Variants in METTL9 observed in about 807,000 individuals in gnomAD.
METTL9 encodes methyltransferase 9, His-X-His N1(pi)-histidine.
In METTL9, 10 loss-of-function variants were observed where a neutral mutation model predicts 36.0. The ratio of observed to expected loss-of-function variants is 0.28; its 90% confidence interval spans 0.17 to 0.47. The LOEUF (loss-of-function observed/expected upper bound fraction) is 0.47. Ranked by LOEUF, METTL9 falls within the 20% of genes least tolerant of loss-of-function variation. METTL9 has a pLI of 0.99. For missense variants in METTL9, 246 were observed against 383.5 expected (o/e 0.64, Z 3.00); for synonymous variants, 175 against 149.7 (o/e 1.17, Z -1.23).
At chr16:21,647,300 G>C in intron 4 of METTL9, 5 of 1,614,168 alleles carry the variant, frequency 3.1e-6, no homozygotes, top group Non-Finnish European at 4.2e-6. Flanking sequence ...GAACTTGTCT[G>C]CCTCACTTTT....
intron 1 of METTL9, among the ~76,000 whole-genome samples, chr16:21,603,060 C>T (rs1210171713): frequency 6.6e-6 from 1 of 152,132 alleles, no homozygotes; most frequent in Non-Finnish European, 1.5e-5. Flanking sequence ...GTATGGCCTG[C>T]AAGCCTAAAA....
At chr16:21,643,500 T>G (rs770174220) in intron 4 of METTL9, 1 of 1,237,120 alleles carries the variant, frequency 8.1e-7, no homozygotes, top group Non-Finnish European at 1.2e-6. Flanking sequence ...TTGAAATCGT[T>G]ACAACCAGCC....
intron 4 of METTL9, among the ~76,000 whole-genome samples, chr16:21,630,394 G>C (rs1431198481): frequency 6.6e-6 from 1 of 152,252 alleles, no homozygotes; most frequent in African/African-American, 2.4e-5. Flanking sequence ...CAGAGAGGAG[G>C]CCCCTACAGT....
At chr16:21,645,987 G>A (rs1438723874) in intron 4 of METTL9, among the ~76,000 whole-genome samples, 2 of 152,178 alleles carry the variant, frequency 1.3e-5, no homozygotes, top group Non-Finnish European at 2.9e-5. Context: ...CCCTTCCTCA[G>A]AGTCCTATTT....
At chr16:21,617,720 C>G (rs957003065) in intron 2 of METTL9, 145 bp from the exon 3 acceptor site, 6 of 680,990 alleles carry the variant, frequency 8.8e-6, no homozygotes, top group African/African-American at 1.8e-5. Context: ...CAGAGTGAGA[C>G]CTTGTCTAAA....
At chr16:21,622,382 A>G (rs1217302894) in intron 3 of METTL9, among the ~76,000 whole-genome samples, 1 of 151,650 alleles carries the variant, frequency 6.6e-6, no homozygotes, top group Non-Finnish European at 1.5e-5. Flanking sequence ...TCCTAGGCTC[A>G]AGCGATCCTC....
chr16:21,600,125 G>C (rs1438855986), intron 1 of METTL9, among the ~76,000 whole-genome samples: 8 of 152,084 alleles, frequency 5.3e-5, no homozygotes, highest in Non-Finnish European at 1.0e-4. Flanking sequence ...CAGCGCAGGC[G>C]GGGCATGGCC....
rs759064301 is a variant in METTL9, at chr16:21,604,333, A to G, written c.165+4435A>G. On this transcript the variant is annotated intron_variant, in intron 1 of 4. Coordinates refer to ENST00000358154, the MANE Select transcript of METTL9 (RefSeq NM_016025.5). ...CCAGGAGTCTTTATGTTTCTCTTTGAAGGTGCCCTAGAAGACCCTAATAGC... is the reference window on the plus strand; with the variant it reads ...CCAGGAGTCTTTATGTTTCTCTTTGGAGGTGCCCTAGAAGACCCTAATAGC... Among the ~76,000 whole-genome samples, 12 of 152,244 alleles carry G rather than the reference A, an allele frequency of 7.9e-5. No homozygotes were observed. In the South Asian group the frequency reaches 2.5e-3, roughly 32 times the overall value.
At chr16:21,599,413 T>C (rs1214449650), upstream of METTL9, 3 of 1,099,714 alleles carry the variant, frequency 2.7e-6, no homozygotes, top group Non-Finnish European at 3.3e-6. This position sits in a 1 kb window ranked among gnomAD's most constrained non-coding sequence, Gnocchi z 4.4. Context: ...GCGCTCCCTT[T>C]GTCCCGCCTC....
At chr16:21,621,882 T>G (rs994343991) in intron 3 of METTL9, among the ~76,000 whole-genome samples, 1 of 151,844 alleles carries the variant, frequency 6.6e-6, no homozygotes, top group Non-Finnish European at 1.5e-5. Context: ...TCTTTTTTTT[T>G]GGGAGACGGA....
chr16:21,654,913 T>G lies in METTL9; in HGVS notation c.752-314T>G. On this transcript the variant is annotated intron_variant, in intron 4 of 4. Coordinates refer to ENST00000358154, the MANE Select transcript of METTL9 (RefSeq NM_016025.5). ...TAACCATTACACCCTGCAGTCAGTCTATTGGCAGATACTACCCAAAACTGT... is the reference window on the plus strand; with the variant it reads ...TAACCATTACACCCTGCAGTCAGTCGATTGGCAGATACTACCCAAAACTGT... The G allele has an allele frequency of 1.1e-5, 4 of 350,490 alleles. No individual in the cohort carries two copies. In the South Asian group the frequency reaches 1.5e-4, roughly 13 times the overall value. 21.7% of individuals were successfully genotyped at this position (350,490 alleles called of 1,614,324 possible).
Position 21,599,732 on chromosome 16 carries a change from C to G in METTL9, c.-2C>G, listed in dbSNP as rs1442444224. 36 of 1,509,808 alleles carry G rather than the reference C, an allele frequency of 2.4e-5. No individual in the cohort carries two copies. The highest frequency in any genetic ancestry group is 3.1e-5 in the Non-Finnish European group (35 of 1,137,416). 93.5% of individuals were successfully genotyped at this position (1,509,808 alleles called of 1,614,324 possible). A position where few individuals can be genotyped will look rare whatever the true frequency, so the allele number is the denominator to read the frequency against. ...GATCCGAGCGAGCGGCCGCGGCCCC[C>G]GATGAGACTGCTGGCGGGCTGGCTG... is the stretch of plus-strand genomic sequence containing the variant. On this transcript the variant is annotated 5_prime_UTR_variant, in exon 1 of 5. Coordinates refer to ENST00000358154, the MANE Select transcript of METTL9 (RefSeq NM_016025.5). The surrounding 1 kb of genome is among the most constrained non-coding windows in gnomAD (Gnocchi z 4.4).
chr16:21,655,467 C>T lies in METTL9; in HGVS notation c.*35C>T, dbSNP rs756443301. ...GGTCGAAGTCTTCAGAGTCCGCACC[C>T]TCCGGGATGTGCCCTTGGAAGAGGG... On this transcript the variant is annotated 3_prime_UTR_variant, in exon 5 of 5. Transcript: ENST00000358154. The T allele has an allele frequency of 6.4e-7, 1 of 1,562,872 alleles. No homozygotes were observed. The highest frequency in any genetic ancestry group is 1.4e-5 in the African/African-American group (1 of 73,720).
intron 4 of METTL9, chr16:21,652,704 C>A: frequency 1.3e-6 from 1 of 773,146 alleles, no homozygotes; most frequent in Non-Finnish European, 2.1e-6. Flanking sequence ...TATGAAGGAA[C>A]CATAATCAGG....
chr16:21,629,925 G>A (rs902534833), intron 4 of METTL9, among the ~76,000 whole-genome samples: 1 of 152,024 alleles, frequency 6.6e-6, no homozygotes, highest in African/African-American at 2.4e-5. Flanking sequence ...TGATTGGTGC[G>A]TTTACAATCC....
At chr16:21,632,248 A>T (rs1597769076) in intron 4 of METTL9, among the ~76,000 whole-genome samples, 1 of 152,234 alleles carries the variant, frequency 6.6e-6, no homozygotes, top group Non-Finnish European at 1.5e-5. Context: ...AGGATTACAT[A>T]AGCATACTTG....
At chr16:21,629,992 G>A (rs915435991) in intron 4 of METTL9, among the ~76,000 whole-genome samples, 1 of 152,144 alleles carries the variant, frequency 6.6e-6, no homozygotes, top group African/African-American at 2.4e-5. Context: ...GACACAGAAC[G>A]CTGACTGGTG....
chr16:21,609,028 G>A (rs1835349285), intron 1 of METTL9, among the ~76,000 whole-genome samples: 1 of 152,184 alleles, frequency 6.6e-6, no homozygotes, highest in African/African-American at 2.4e-5. Flanking sequence ...TTGCAAGGTG[G>A]TAAATGAAAT....
At chr16:21,644,449 A>G in intron 4 of METTL9, 1 of 1,257,262 alleles carries the variant, frequency 8.0e-7, no homozygotes. Flanking sequence ...CTATTCTTTC[A>G]AATACATGTG....
Sources: gnomAD v4.1 joint callset for allele counts (sites outside exome capture counted in the v4.1 genomes callset) on GRCh38, gnomAD v4.1.1 for gene constraint, Gnocchi (gnomAD v3.1) non-coding constraint, MANE v1.5 for transcripts, NCBI Gene and HGNC (gene_info 2026-07-23, HGNC 2026-07-21) for gene names.